SCN9A: variants seen among roughly 807,000 people sequenced by gnomAD.
SCN9A encodes the protein sodium channel protein type 9 subunit alpha.
SCN9A carries 131 observed loss-of-function variants against 187.0 expected under a neutral mutation model. That is an observed-to-expected ratio of 0.70 (90% CI 0.61 to 0.81). SCN9A has a LOEUF of 0.81. Among genes scored for constraint, SCN9A ranks in the 30% least tolerant of loss-of-function variants. The pLI, the probability that SCN9A is intolerant of heterozygous loss-of-function variation, is 0.00. For missense variants in SCN9A, 2,252 were observed against 2,396.6 expected (o/e 0.94, Z 1.26); for synonymous variants, 809 against 808.6 (o/e 1.00, Z -0.01).
chr2:166,219,281 A>G (rs1460375909), intron 24 of SCN9A, among the ~76,000 whole-genome samples: 1 of 152,190 alleles, frequency 6.6e-6, no homozygotes, highest in African/African-American at 2.4e-5. Context: ...TGTTTATTGG[A>G]GCACTATTCA....
rs1282646393 is a variant in SCN9A at position 166,243,355 on chromosome 2, C to G, written c.3473-699G>C. 3.3e-5 allele frequency among the ~76,000 whole-genome samples: 5 copies of G among 151,934 alleles called. No individual in the cohort carries two copies. The East Asian group carries it at 9.6e-4, about 29-fold the overall frequency. On this transcript the variant is annotated intron_variant, in intron 18 of 26. Coordinates refer to ENST00000642356, the MANE Select transcript of SCN9A (RefSeq NM_001365536.1). ...ATGTATTCACCTCTGTACATGATTT[C>G]CTTTCCTCAGTGAATTTATGTTAGG...
chr2:166,226,254 G>A (rs1485186944), intron 24 of SCN9A, among the ~76,000 whole-genome samples: 1 of 152,022 alleles, frequency 6.6e-6, no homozygotes, highest in African/African-American at 2.4e-5. Flanking sequence ...ATAGTGTATT[G>A]ATTTTTCTTA....
chr2:166,365,951 G>A (rs1287632037), intron 1 of SCN9A, among the ~76,000 whole-genome samples: 1 of 152,168 alleles, frequency 6.6e-6, no homozygotes, highest in Non-Finnish European at 1.5e-5. Context: ...AAGAGGGAAG[G>A]AAAGAAGGAA....
intron 24 of SCN9A, among the ~76,000 whole-genome samples, chr2:166,217,880 T>C (rs1694403820): frequency 6.6e-6 from 1 of 152,032 alleles, no homozygotes; most frequent in Non-Finnish European, 1.5e-5. Context: ...TATATTTAAT[T>C]CCTTTAGAGG....
intron 1 of SCN9A, among the ~76,000 whole-genome samples, chr2:166,324,654 C>A (rs1415830170): frequency 2.0e-5 from 3 of 152,146 alleles, no homozygotes; most frequent in Non-Finnish European, 4.4e-5. Flanking sequence ...ACCATTGATA[C>A]TATGTGATGA....
In SCN9A at chr2:166,238,126, C is replaced by A. The variant is rs1389024970; in HGVS notation, c.3769G>T (p.Ala1257Ser). The change falls in exon 20 of 27, where the codon GCC becomes TCC. Residue 1257 changes from alanine to serine, a missense_variant. Ala to Ser is a moderately conservative substitution (Grantham distance 99). This residue lies in a region of SCN9A where 10 missense variants were observed against 27.8 expected (regional missense o/e 0.36). Transcript: ENST00000642356. ...ATTAGGAAATCCAGCCAACACCAGG[C>A]ATTGGTGAAATATGTTTTATAACCA... ...AYGYKTYFTN[A>S]WCWLDFLIVD... The A allele has an allele frequency of 1.9e-6, 3 of 1,611,402 alleles. No individual in the cohort carries two copies. Among genetic ancestry groups the A allele is most frequent in the Non-Finnish European group, 2.5e-6 (3 of 1,178,632 alleles).
intron 1 of SCN9A, among the ~76,000 whole-genome samples, chr2:166,314,300 A>G (rs1699053925): frequency 6.6e-6 from 1 of 152,212 alleles, no homozygotes; most frequent in South Asian, 2.1e-4. Context: ...GTAAAGCCCC[A>G]TAAAATGAAG....
intron 17 of SCN9A, among the ~76,000 whole-genome samples, chr2:166,268,875 A>G (rs1696855339): frequency 6.6e-6 from 1 of 151,974 alleles, no homozygotes; most frequent in African/African-American, 2.4e-5. Flanking sequence ...AGAAGTCAGT[A>G]GCACTAAGAA....
At position 166,280,468 on chromosome 2, in the gene SCN9A, AG is replaced by A; in HGVS notation, c.2231del (p.Pro744LeufsTer3). The A allele has an allele frequency of 6.3e-7, 1 of 1,585,786 alleles. No individual in the cohort carries two copies. Among genetic ancestry groups the A allele is most frequent in the South Asian group, 1.1e-5 (1 of 87,276 alleles). ...AAATGGTAATTGCAAGATCTACAAA[AG>A]GATCCATTACAATAAAATAGATACA... Reference protein sequence around the residue: ...KKCIYFIVMDPFVDLAITICI... With the variant: ...KKCIYFIVMDXFVDLAITICI... On this transcript the variant is annotated frameshift_variant, in exon 14 of 27. Coordinates refer to ENST00000642356, the MANE Select transcript of SCN9A (RefSeq NM_001365536.1). LOFTEE classifies it high-confidence loss of function.
rs564205136 is a variant in SCN9A, at chr2:166,252,036, G to A, written c.3352-151C>T. On this transcript the variant is annotated intron_variant, in intron 17 of 26. Coordinates refer to ENST00000642356, the MANE Select transcript of SCN9A (RefSeq NM_001365536.1). ...CATAAAAAATGTATAAACACATATT[G>A]AGGTCAAGTAACCTTAAATGTATCT... The A allele has an allele frequency of 1.4e-5, 11 of 762,330 alleles. No homozygotes were observed. In the South Asian group the frequency reaches 2.1e-4, roughly 14 times the overall value. The allele number at this position is 762,330 out of a possible 1,614,324, so 47.2% of individuals were successfully genotyped here.
At chr2:166,322,457 G>A (rs977447520) in intron 1 of SCN9A, among the ~76,000 whole-genome samples, 5 of 152,070 alleles carry the variant, frequency 3.3e-5, no homozygotes, top group Admixed American at 2.0e-4. Context: ...ACCTCTCTGA[G>A]CCTAAGATTC....
In SCN9A at chr2:166,201,831, C is replaced by G. The variant is rs150499618; in HGVS notation, c.4775-1967G>C. On this transcript the variant is annotated intron_variant, in intron 26 of 26. Coordinates refer to ENST00000642356, the MANE Select transcript of SCN9A (RefSeq NM_001365536.1). Reference sequence around the variant, plus strand: ...TTTACACATTCAACAGTATTGAGTGCTACCATTCTTCTTTATAGTTTTTTA... The same window carrying G: ...TTTACACATTCAACAGTATTGAGTGGTACCATTCTTCTTTATAGTTTTTTA... 3.9e-3 allele frequency among the ~76,000 whole-genome samples: 592 copies of G among 151,548 alleles called. 4 individuals carry two copies. The highest frequency in any genetic ancestry group is 0.014 in the African/African-American group (567 of 41,464).
intron 17 of SCN9A, among the ~76,000 whole-genome samples, chr2:166,264,431 C>A (rs1364612402): frequency 6.6e-6 from 1 of 151,934 alleles, no homozygotes; most frequent in African/African-American, 2.4e-5. Flanking sequence ...TCATGGGTAC[C>A]TTTGAGATAA....
intron 1 of SCN9A, among the ~76,000 whole-genome samples, chr2:166,340,400 G>A (rs1418549896): frequency 2.6e-5 from 4 of 151,990 alleles, no homozygotes; most frequent in African/African-American, 9.7e-5. Context: ...CTGATTCTTG[G>A]TTTTTGAATT....
intron 24 of SCN9A, among the ~76,000 whole-genome samples, chr2:166,205,905 A>T (rs1693778900): frequency 6.6e-6 from 1 of 152,218 alleles, no homozygotes; most frequent in Non-Finnish European, 1.5e-5. Context: ...CAACAGACAT[A>T]TGAAAAAATG....
At chr2:166,229,610 C>T (rs903365421) in intron 21 of SCN9A, among the ~76,000 whole-genome samples, 3 of 152,004 alleles carry the variant, frequency 2.0e-5, no homozygotes, top group African/African-American at 2.4e-5. Context: ...GCTGGTTCTA[C>T]GAAATAAGAG....
At chr2:166,305,675 T>G in intron 5 of SCN9A, 117 bp downstream of exon 5, 1 of 1,391,618 alleles carries the variant, frequency 7.2e-7, no homozygotes, top group Non-Finnish European at 9.9e-7. Context: ...CCATTTTCCT[T>G]TAAATACAGA....
At chr2:166,233,620 G>A (rs897272245) in intron 20 of SCN9A, among the ~76,000 whole-genome samples, 158 bp from the exon 21 acceptor site, 3 of 152,038 alleles carry the variant, frequency 2.0e-5, no homozygotes, top group African/African-American at 7.2e-5. Context: ...TAAGATGGAT[G>A]TTTCTGTAAG....
intron 18 of SCN9A, among the ~76,000 whole-genome samples, chr2:166,246,463 C>T (rs7563540): frequency 0.79 from 120,665 of 151,846 alleles, 48,527 homozygotes; most frequent in Non-Finnish European, 0.85. Flanking sequence ...TAAGAGAGAA[C>T]ATTCGATAAA....
Sources: allele counts gnomAD v4.1 joint callset (sites outside exome capture counted in the v4.1 genomes callset), GRCh38; gene constraint gnomAD v4.1.1; regional missense constraint gnomAD v4.1.1; transcripts MANE v1.5; gene names NCBI Gene and HGNC (gene_info 2026-07-23, HGNC 2026-07-21).